LYPLAL1: variants seen among roughly 807,000 people sequenced by gnomAD.
The protein encoded by LYPLAL1 is lysophospholipase like 1.
A neutral mutation model predicts 19.7 loss-of-function variants in LYPLAL1; 23 were observed. The ratio of observed to expected loss-of-function variants is 1.17; its 90% CI spans 0.84 to 1.65. The LOEUF (loss-of-function observed/expected upper bound fraction) is 1.65, where lower values mean the gene tolerates loss of function less well. Ranked by LOEUF, LYPLAL1 falls within the 40% of genes most tolerant of loss-of-function variation. The pLI is 0.00. For missense variants in LYPLAL1, 355 were observed against 279.4 expected (o/e 1.27, Z -1.93); for synonymous variants, 119 against 96.3 (o/e 1.24, Z -1.38).
chr1:219,324,016 C>T, the LYPLAL1 span, among the ~76,000 whole-genome samples: 5 of 152,190 alleles, frequency 3.3e-5, no homozygotes, highest in African/African-American at 9.7e-5. Flanking sequence ...ATGCTCTCTT[C>T]ACTACCCAGT....
chr1:219,228,315 C>G, the LYPLAL1 span, among the ~76,000 whole-genome samples: 2 of 151,998 alleles, frequency 1.3e-5, no homozygotes, highest in African/African-American at 4.8e-5. Flanking sequence ...GATAGAATCA[C>G]CTTTTCATGC....
At chr1:219,364,422 A>G in the LYPLAL1 span, among the ~76,000 whole-genome samples, 2 of 151,984 alleles carry the variant, frequency 1.3e-5, no homozygotes, top group Non-Finnish European at 2.9e-5. Context: ...TTTGATCTTG[A>G]GTTTCCATAG....
chr1:219,259,155 A>G, the LYPLAL1 span, among the ~76,000 whole-genome samples: 1 of 152,078 alleles, frequency 6.6e-6, no homozygotes, highest in Non-Finnish European at 1.5e-5. Flanking sequence ...ACACTTTTAC[A>G]CTGCTGGTGG....
chr1:219,382,951 G>A, the LYPLAL1 span, among the ~76,000 whole-genome samples: 13 of 151,140 alleles, frequency 8.6e-5, 1 homozygote, highest in Admixed American at 1.3e-4. Context: ...TTTTCTGTCC[G>A]GATCAGTTAA....
intron 3 of LYPLAL1, among the ~76,000 whole-genome samples, chr1:219,199,151 A>G (rs758931639): frequency 3.9e-5 from 6 of 152,164 alleles, no homozygotes; most frequent in Non-Finnish European, 7.4e-5. Context: ...TGGAGGTACT[A>G]ATATATGTAT....
chr1:219,319,662 G>A, the LYPLAL1 span, among the ~76,000 whole-genome samples: 3 of 152,210 alleles, frequency 2.0e-5, no homozygotes, highest in African/African-American at 7.2e-5. Flanking sequence ...ACAGAGCAGA[G>A]CACAGAATGG....
chr1:219,385,742 A>T, the LYPLAL1 span, among the ~76,000 whole-genome samples: 1 of 152,194 alleles, frequency 6.6e-6, no homozygotes, highest in East Asian at 1.9e-4. Context: ...AAAGATAAAC[A>T]GAGTTAAGAT....
the LYPLAL1 span, among the ~76,000 whole-genome samples, chr1:219,444,641 A>G: frequency 2.0e-5 from 3 of 152,234 alleles, no homozygotes; most frequent in African/African-American, 7.2e-5. Context: ...ACGTCTTACC[A>G]GTCAAAGTCA....
At chr1:219,431,584 A>G in the LYPLAL1 span, among the ~76,000 whole-genome samples, 2 of 152,220 alleles carry the variant, frequency 1.3e-5, no homozygotes, top group African/African-American at 4.8e-5. Flanking sequence ...TGGCCTGTGC[A>G]GCTTATTTCT....
At chr1:219,385,793 G>A in the LYPLAL1 span, among the ~76,000 whole-genome samples, 1 of 152,140 alleles carries the variant, frequency 6.6e-6, no homozygotes, top group Non-Finnish European at 1.5e-5. Flanking sequence ...AATTTTGTAG[G>A]TTGCCAACCT....
the LYPLAL1 span, among the ~76,000 whole-genome samples, chr1:219,416,740 T>G: frequency 6.6e-6 from 1 of 152,306 alleles, no homozygotes; most frequent in South Asian, 2.1e-4. Flanking sequence ...ATTTGTAAAC[T>G]GTCATTGCAC....
At chr1:219,229,322 AGAGAG>A in the LYPLAL1 span, among the ~76,000 whole-genome samples, 6 of 149,898 alleles carry the variant, frequency 4.0e-5, no homozygotes, top group Non-Finnish European at 7.4e-5. Flanking sequence ...AGAGAGAGAG[AGAGAG>A]AGAGAGAGAG....
the LYPLAL1 span, among the ~76,000 whole-genome samples, chr1:219,354,103 A>C: frequency 6.6e-6 from 1 of 152,228 alleles, no homozygotes; most frequent in Non-Finnish European, 1.5e-5. Context: ...TGAATAGAGC[A>C]TCAGTGAACC....
At chr1:219,420,570 G>A in the LYPLAL1 span, among the ~76,000 whole-genome samples, 1 of 152,080 alleles carries the variant, frequency 6.6e-6, no homozygotes, top group African/African-American at 2.4e-5. Context: ...TGATGGTTTT[G>A]CAAATCCCAT....
At position 219,193,056 on chromosome 1, in the gene LYPLAL1, T is replaced by C. The variant is rs534587786; in HGVS notation, c.192-26T>C. 478 of 1,371,654 alleles carry C rather than the reference T, an allele frequency of 3.5e-4. 2 individuals are homozygous for C. In the Admixed American group the frequency reaches 6.1e-3, roughly 18 times the overall value. 85.0% of individuals were successfully genotyped at this position (1,371,654 alleles called of 1,614,324 possible). ...CATATTCCCTTTTCCTTTCTTTTTT[T>C]TTGGGGGGGGGCGGTTGTTAAACAG... On this transcript the variant is annotated intron_variant, in intron 2 of 4. Coordinates refer to ENST00000366928, the MANE Select transcript of LYPLAL1 (RefSeq NM_138794.5).
At chr1:219,270,086 C>T in the LYPLAL1 span, among the ~76,000 whole-genome samples, 1 of 152,188 alleles carries the variant, frequency 6.6e-6, no homozygotes, top group Admixed American at 6.5e-5. Context: ...TCTGGCTGCC[C>T]TCCAGTTATT....
At chr1:219,221,305 T>C in the LYPLAL1 span, among the ~76,000 whole-genome samples, 1 of 152,152 alleles carries the variant, frequency 6.6e-6, no homozygotes, top group African/African-American at 2.4e-5. Flanking sequence ...GGAACCTCTA[T>C]GAATCAGGGG....
Position 219,210,498 on chromosome 1 carries a change from T to C in LYPLAL1, c.362-34T>C, listed in dbSNP as rs567857078. On this transcript the variant is annotated intron_variant, in intron 3 of 4. Coordinates refer to ENST00000366928, the MANE Select transcript of LYPLAL1 (RefSeq NM_138794.5). ...TATCATATCCTAAATTATTATTTTA[T>C]GTATTCTACTTTTAAGTATGTTTTT... 35 of 430,676 alleles carry C rather than the reference T, an allele frequency of 8.1e-5. No individual in the cohort carries two copies. In the African/African-American group the frequency reaches 1.4e-3, roughly 17 times the overall value. 26.7% of individuals were successfully genotyped at this position (430,676 alleles called of 1,614,324 possible).
chr1:219,315,049 G>T, the LYPLAL1 span, among the ~76,000 whole-genome samples: 1 of 152,004 alleles, frequency 6.6e-6, no homozygotes, highest in South Asian at 2.1e-4. Flanking sequence ...TTGAGGAGGG[G>T]TTGATTCTGT....
Sources: gnomAD v4.1 joint callset for allele counts (sites outside exome capture counted in the v4.1 genomes callset) on GRCh38, gnomAD v4.1.1 for gene constraint, MANE v1.5 for transcripts, NCBI Gene and HGNC (gene_info 2026-07-23, HGNC 2026-07-21) for gene names.